CSMD3: variants seen among roughly 807,000 people sequenced by gnomAD.
The protein encoded by CSMD3 is CUB and Sushi multiple domains 3, also known as CUB and sushi domain-containing protein 3.
Under a neutral mutation model 435.2 loss-of-function variants are expected in CSMD3, and 177 were observed. The ratio of observed to expected loss-of-function variants is 0.41; its 90% confidence interval spans 0.36 to 0.46. The LOEUF is 0.46. Ranked by LOEUF, CSMD3 falls within the 20% of genes least tolerant of loss-of-function variation. The probability of loss-of-function intolerance (pLI) is 0.34; values close to 1 mark genes in which losing one functional copy is unlikely to be tolerated. For synonymous variants in CSMD3, 1,656 were observed against 1,520.5 expected, an observed-to-expected ratio of 1.09 and a Z score of -2.07; for missense variants, 4,265 against 4,504.6, an observed-to-expected ratio of 0.95 and a Z score of 1.52.
intron 5 of CSMD3, among the ~76,000 whole-genome samples, chr8:113,078,485 G>A (rs999772382): frequency 1.3e-5 from 2 of 152,096 alleles, no homozygotes; most frequent in Non-Finnish European, 2.9e-5. Context: ...AAGGAAATTA[G>A]AAGCTGATCA....
Position 112,301,911 on chromosome 8 carries a change from T to C in CSMD3, c.8322A>G (p.Gln2774=), listed in dbSNP as rs1009110346. ...AGATAGCTGTTGAGCCATATGAAGT[T>C]TGAGTTCCAATCTTATTTCCATTTG... ...TPPNGNKIGT[Q]TSYGSTAIFT... Residue 2774 remains glutamine, a synonymous_variant, in exon 53 of 71, where the codon CAA becomes CAG. Coordinates refer to ENST00000297405, the MANE Select transcript of CSMD3 (RefSeq NM_198123.2). The C allele has an allele frequency of 1.2e-6, 2 of 1,613,114 alleles. No individual in the cohort carries two copies. Among genetic ancestry groups the C allele is most frequent in the South Asian group, 2.2e-5 (2 of 91,066 alleles).
chr8:112,917,142 G>C (rs2130588695), intron 10 of CSMD3, among the ~76,000 whole-genome samples: 1 of 151,922 alleles, frequency 6.6e-6, no homozygotes, highest in African/African-American at 2.4e-5. Flanking sequence ...TGTCCTCTTT[G>C]GCAACAGCTG....
chr8:112,301,760 G>T (rs2130756078), intron 53 of CSMD3, 33 bp downstream of exon 53: 6 of 1,556,922 alleles, frequency 3.9e-6, no homozygotes, highest in Non-Finnish European at 5.3e-6. Flanking sequence ...GGGGCAGGGG[G>T]AAGTTTGACA....
chr8:112,986,833 T>A (rs1009869563), intron 6 of CSMD3, among the ~76,000 whole-genome samples: 1 of 152,070 alleles, frequency 6.6e-6, no homozygotes, highest in African/African-American at 2.4e-5. Context: ...CTTTTTGACC[T>A]GTTAGTCTTT....
chr8:112,672,472 T>C (rs979861109), intron 16 of CSMD3, among the ~76,000 whole-genome samples: 1 of 152,076 alleles, frequency 6.6e-6, no homozygotes, highest in African/African-American at 2.4e-5. Context: ...AGTTGTAAGA[T>C]GGGACCCAAA....
intron 16 of CSMD3, among the ~76,000 whole-genome samples, chr8:112,666,883 TCTG>T (rs555595991): frequency 6.4e-4 from 97 of 152,272 alleles, no homozygotes; most frequent in Non-Finnish European, 1.3e-3. Context: ...TTATTTCTCA[TCTG>T]CTATTTTCTT....
intron 1 of CSMD3, among the ~76,000 whole-genome samples, chr8:113,366,445 T>C (rs1198414419): frequency 1.3e-5 from 2 of 152,034 alleles, no homozygotes; most frequent in African/African-American, 4.8e-5. Context: ...CCAAATACCT[T>C]ACTAAGAACT....
chr8:112,245,499 C>T (rs1814637385), intron 64 of CSMD3, among the ~76,000 whole-genome samples: 1 of 151,852 alleles, frequency 6.6e-6, no homozygotes, highest in African/African-American at 2.4e-5. Context: ...CATTTTTTTA[C>T]TCCGTGTGCT....
intron 32 of CSMD3, among the ~76,000 whole-genome samples, chr8:112,431,047 T>G (rs191908352): frequency 1.5e-4 from 23 of 151,076 alleles, no homozygotes; most frequent in Admixed American, 1.3e-3. Context: ...GAAGATAACT[T>G]TAGAATTATT....
chr8:112,369,993 GGAA>G lies in CSMD3; in HGVS notation c.6136+10356_6136+10358del, dbSNP rs201855155. Among the ~76,000 whole-genome samples, 50 of 43,772 alleles carry G rather than the reference GGAA, an allele frequency of 1.1e-3. 4 individuals are homozygous for G. Among genetic ancestry groups the G allele is most frequent in the African/African-American group, 2.2e-3 (35 of 15,688 alleles). 28.7% of individuals were successfully genotyped at this position (43,772 alleles called of 152,430 possible). A position where few individuals can be genotyped will look rare whatever the true frequency, so the allele number is the denominator to read the frequency against. ...AAGAAGAAGAAGAGAAAGAGGAAGAGGAAGAAGAAGAGGAAGAGGAAGAAGAAG... is the reference window on the plus strand; with the variant it reads ...AAGAAGAAGAAGAGAAAGAGGAAGAGGAAGAAGAGGAAGAGGAAGAAGAAG... On this transcript the variant is annotated intron_variant, in intron 38 of 70. Transcript: ENST00000297405.
intron 4 of CSMD3, among the ~76,000 whole-genome samples, chr8:113,143,151 C>CA (rs1478062124): frequency 2.7e-5 from 4 of 150,536 alleles, no homozygotes; most frequent in Non-Finnish European, 5.9e-5. Context: ...TTGAAAATGG[C>CA]AAAAAAATAC....
At chr8:112,462,016 T>C (rs1817498726) in intron 32 of CSMD3, among the ~76,000 whole-genome samples, 1 of 152,136 alleles carries the variant, frequency 6.6e-6, no homozygotes, top group Non-Finnish European at 1.5e-5. Flanking sequence ...ATTTTATATA[T>C]CAAGAAAATG....
intron 31 of CSMD3, among the ~76,000 whole-genome samples, chr8:112,476,574 G>T (rs1819074522): frequency 6.6e-6 from 1 of 152,094 alleles, no homozygotes. Context: ...AGGCCAAAGT[G>T]ATGATTCTAA....
chr8:113,145,670 A>C (rs1370884107), intron 4 of CSMD3, among the ~76,000 whole-genome samples: 2 of 151,644 alleles, frequency 1.3e-5, no homozygotes, highest in African/African-American at 4.8e-5. Context: ...GAATGAATAA[A>C]GTCCAAAACA....
intron 37 of CSMD3, among the ~76,000 whole-genome samples, chr8:112,382,306 A>AG (rs986111771): frequency 4.0e-5 from 6 of 151,374 alleles, no homozygotes; most frequent in African/African-American, 7.3e-5. Flanking sequence ...AAAAAAAAAA[A>AG]ATTAATAATA....
chr8:113,399,418 A>G lies in CSMD3; in HGVS notation c.178+37259T>C, dbSNP rs993537866. The stretch of plus-strand genomic sequence containing the variant: ...TAACAGCCAAAAAGTAGAACCATCC[A>G]AATGTTCATTAACTGACAAATGTCT... On this transcript the variant is annotated intron_variant, in intron 1 of 70. Transcript: ENST00000297405. Among the ~76,000 whole-genome samples the G allele has an allele frequency of 1.5e-4, 23 of 152,062 alleles. No individual in the cohort carries two copies. The East Asian group carries it at 2.1e-3, about 14-fold the overall frequency.
At chr8:112,879,294 C>T (rs542341485) in intron 10 of CSMD3, among the ~76,000 whole-genome samples, 2 of 152,214 alleles carry the variant, frequency 1.3e-5, no homozygotes, top group East Asian at 3.9e-4. Flanking sequence ...GAAACATGCC[C>T]TAGTCTCCTG....
Position 113,372,391 on chromosome 8 carries a change from A to G in CSMD3, c.179-57598T>C, listed in dbSNP as rs781122005. Among the ~76,000 whole-genome samples, 3 of 152,114 alleles carry G rather than the reference A, an allele frequency of 2.0e-5. No homozygotes were observed. In the East Asian group the frequency reaches 5.8e-4, roughly 29 times the overall value. ...GGATAAATATGAGTTTTAATCCATT[A>G]ATATTTTGGGCTTTGATTTCTACAT... On this transcript the variant is annotated intron_variant, in intron 1 of 70. Transcript: ENST00000297405.
At chr8:113,229,376 A>T (rs566853075) in intron 3 of CSMD3, among the ~76,000 whole-genome samples, 2 of 151,778 alleles carry the variant, frequency 1.3e-5, no homozygotes, top group South Asian at 2.1e-4. Context: ...TTGAAAGATC[A>T]GTCACTTTGC....
Sources: allele counts gnomAD v4.1 joint callset (sites outside exome capture counted in the v4.1 genomes callset), GRCh38; gene constraint gnomAD v4.1.1; transcripts MANE v1.5; gene names NCBI Gene and HGNC (gene_info 2026-07-23, HGNC 2026-07-21).